Variants in SLC38A12 observed in about 807,000 individuals in gnomAD.
The protein encoded by SLC38A12 is solute carrier family 38 member 12, also known as putative sodium-coupled neutral amino acid transporter 12.
the SLC38A12 span, chr17:74,819,851 T>C: frequency 1.9e-6 from 3 of 1,611,778 alleles, no homozygotes; most frequent in East Asian, 2.2e-5. Context: ...TCGGTGAGTC[T>C]GAGAAACAGC....
chr17:74,792,362 A>T, the SLC38A12 span, among the ~76,000 whole-genome samples: 1 of 152,106 alleles, frequency 6.6e-6, no homozygotes, highest in African/African-American at 2.4e-5. Flanking sequence ...GAAGCACAAG[A>T]ATCACTTGAA....
the SLC38A12 span, chr17:74,791,158 G>A: frequency 2.5e-6 from 2 of 815,186 alleles, no homozygotes; most frequent in South Asian, 1.6e-5. Context: ...GCAGGTGGTA[G>A]AGCTGCTCCC....
the SLC38A12 span, chr17:74,794,994 T>G: frequency 9.1e-5 from 146 of 1,606,436 alleles, no homozygotes; most frequent in Non-Finnish European, 9.7e-5. Context: ...CCCTGACTGA[T>G]GGCTGTGTTC....
chr17:74,827,105 G>T, the SLC38A12 span, among the ~76,000 whole-genome samples: 5 of 152,086 alleles, frequency 3.3e-5, no homozygotes, highest in African/African-American at 1.2e-4. The surrounding 1 kb of genome is among the most constrained non-coding windows in gnomAD (Gnocchi z 4.7). Context: ...GAGCACAAGG[G>T]GAGCTAGATG....
At chr17:74,820,139 T>G in the SLC38A12 span, among the ~76,000 whole-genome samples, 1 of 152,244 alleles carries the variant, frequency 6.6e-6, no homozygotes, top group African/African-American at 2.4e-5. Context: ...GACCAGCTTC[T>G]TTCTCATACA....
At chr17:74,788,816 G>A in the SLC38A12 span, 23 of 1,613,476 alleles carry the variant, frequency 1.4e-5, no homozygotes, top group East Asian at 2.2e-5. Context: ...TTGTGATAGA[G>A]GCCATGGCTG....
At chr17:74,839,188 C>A in the SLC38A12 span, 1 of 1,488,874 alleles carries the variant, frequency 6.7e-7, no homozygotes. Context: ...GGGCGGATGG[C>A]AGGTGATAGA....
the SLC38A12 span, chr17:74,836,240 G>A: frequency 1.4e-5 from 22 of 1,611,286 alleles, no homozygotes; most frequent in Non-Finnish European, 1.9e-5. The surrounding 1 kb of genome is among the most constrained non-coding windows in gnomAD (Gnocchi z 4.2). Flanking sequence ...GTGACGTCGT[G>A]GGCCTGGCCG....
chr17:74,795,038 A>G, the SLC38A12 span: 6 of 1,613,802 alleles, frequency 3.7e-6, no homozygotes, highest in Non-Finnish European at 5.1e-6. Context: ...CTATTTCTGC[A>G]TCATCGTTTA....
chr17:74,808,086 T>C, the SLC38A12 span, among the ~76,000 whole-genome samples: 1 of 152,250 alleles, frequency 6.6e-6, no homozygotes, highest in African/African-American at 2.4e-5. Context: ...TACTTGGAAC[T>C]CTGCCCACCA....
the SLC38A12 span, chr17:74,836,569 G>A: frequency 8.7e-6 from 14 of 1,613,260 alleles, no homozygotes; most frequent in Non-Finnish European, 1.1e-5. The surrounding 1 kb of genome is among the most constrained non-coding windows in gnomAD (Gnocchi z 4.2). Context: ...TGTGGGGTCA[G>A]CAACAAGCAC....
the SLC38A12 span, chr17:74,777,447 G>A: frequency 1.9e-6 from 3 of 1,606,598 alleles, no homozygotes; most frequent in South Asian, 3.3e-5. Flanking sequence ...TTGCTTGCTG[G>A]AGATGGGACT....
the SLC38A12 span, among the ~76,000 whole-genome samples, chr17:74,807,928 T>C: frequency 1.3e-4 from 20 of 152,218 alleles, no homozygotes; most frequent in South Asian, 2.1e-4. Context: ...CTAGATTCCG[T>C]GGTCCTCCGT....
chr17:74,818,751 T>G, the SLC38A12 span, among the ~76,000 whole-genome samples: 2 of 152,186 alleles, frequency 1.3e-5, no homozygotes, highest in Non-Finnish European at 2.9e-5. Flanking sequence ...TGTGTAAATG[T>G]TAATAAGGTC....
At chr17:74,815,806 C>T in the SLC38A12 span, among the ~76,000 whole-genome samples, 1 of 152,198 alleles carries the variant, frequency 6.6e-6, no homozygotes, top group Non-Finnish European at 1.5e-5. Context: ...GGGCAGCTGA[C>T]TCTTCAGTCT....
At chr17:74,821,859 AG>A in the SLC38A12 span, among the ~76,000 whole-genome samples, 1 of 151,892 alleles carries the variant, frequency 6.6e-6, no homozygotes, top group Non-Finnish European at 1.5e-5. Flanking sequence ...AGCACTGGGG[AG>A]GGGGAAAGGG....
chr17:74,798,487 G>A, the SLC38A12 span, among the ~76,000 whole-genome samples: 6 of 152,184 alleles, frequency 3.9e-5, no homozygotes, highest in Admixed American at 6.5e-5. Flanking sequence ...TGTGCCTGAC[G>A]ACCCTTGTCC....
chr17:74,785,496 C>T, the SLC38A12 span: 3 of 1,612,302 alleles, frequency 1.9e-6, no homozygotes, highest in Non-Finnish European at 2.5e-6. Flanking sequence ...GGCTGGTGTA[C>T]ATGTTTAACC....
the SLC38A12 span, among the ~76,000 whole-genome samples, chr17:74,797,315 G>A: frequency 1.4e-4 from 21 of 152,148 alleles, no homozygotes; most frequent in Admixed American, 1.0e-3. Context: ...GAAAGCAGAC[G>A]GGCATTAATT....
Sources: gnomAD v4.1 joint callset for allele counts (sites outside exome capture counted in the v4.1 genomes callset) on GRCh38, gnomAD v4.1.1 for gene constraint, Gnocchi (gnomAD v3.1) non-coding constraint, MANE v1.5 for transcripts, NCBI Gene and HGNC (gene_info 2026-07-23, HGNC 2026-07-21) for gene names.